Variants in AFF2 observed in about 807,000 individuals in gnomAD.
AFF2 encodes AF4/FMR2 family member 2.
A neutral mutation model predicts 76.9 loss-of-function variants in AFF2; 14 were observed. That is an observed-to-expected ratio of 0.18 (90% CI 0.12 to 0.28). The LOEUF (loss-of-function observed/expected upper bound fraction) is 0.28, where lower values mean the gene tolerates loss of function less well. AFF2 is among the 10% of genes least tolerant of loss of function. AFF2 has a pLI of 1.00. For synonymous variants in AFF2, 398 were observed against 366.7 expected (o/e 1.09, Z -0.98); for missense variants, 868 against 1,001.1 (o/e 0.87, Z 1.79).
chrX:148,515,397 T>C (rs952405651), intron 1 of AFF2, among the ~76,000 whole-genome samples: 1 of 112,477 alleles, frequency 8.9e-6, no homozygotes, highest in African/African-American at 3.2e-5. Context: ...TTGCTTTAGC[T>C]AATAAAGCCA....
At chrX:148,585,259 G>A (rs1157639736) in intron 1 of AFF2, among the ~76,000 whole-genome samples, 1 of 111,709 alleles carries the variant, frequency 9.0e-6, no homozygotes, top group Non-Finnish European at 1.9e-5. Flanking sequence ...CTGTCCAGCG[G>A]TTTTGATGAA....
intron 1 of AFF2, among the ~76,000 whole-genome samples, chrX:148,538,557 A>G (rs1457091638): frequency 8.9e-6 from 1 of 112,793 alleles, no homozygotes; most frequent in Non-Finnish European, 1.9e-5. Flanking sequence ...ATTTACCTGA[A>G]AGTTTAAGCA....
At chrX:148,667,543 A>G (rs1214936818) in intron 3 of AFF2, among the ~76,000 whole-genome samples, 1 of 111,988 alleles carries the variant, frequency 8.9e-6, no homozygotes, top group Non-Finnish European at 1.9e-5. Context: ...AAGATATTTA[A>G]TGGACTTACA....
At chrX:148,558,760 C>T (rs1557240016) in intron 1 of AFF2, among the ~76,000 whole-genome samples, 2 of 111,784 alleles carry the variant, frequency 1.8e-5, no homozygotes, top group African/African-American at 6.5e-5. Flanking sequence ...CTAAAGGGAA[C>T]TGATTTACCA....
Position 148,617,717 on chromosome X carries a change from A to G in AFF2, c.48-34282A>G, listed in dbSNP as rs144852487. On this transcript the variant is annotated intron_variant, in intron 1 of 20. Transcript: ENST00000370460. Reference sequence around the variant, plus strand: ...CACTCGCCTTATGTTTACTCCTTGTAAAATCTTTCTTGTGTATACCTGTTC... The same window carrying G: ...CACTCGCCTTATGTTTACTCCTTGTGAAATCTTTCTTGTGTATACCTGTTC... Among the ~76,000 whole-genome samples, 815 of 112,594 alleles carry G rather than the reference A, an allele frequency of 7.2e-3. 7 individuals carry two copies. Among genetic ancestry groups the G allele is most frequent in the African/African-American group, 0.025 (776 of 31,034 alleles).
At chrX:148,621,966 G>A (rs961610351) in intron 1 of AFF2, among the ~76,000 whole-genome samples, 1 of 112,035 alleles carries the variant, frequency 8.9e-6, no homozygotes, top group African/African-American at 3.2e-5. Flanking sequence ...AGAGCATTAG[G>A]ACTATACTGC....
chrX:148,794,840 G>A (rs2069946852), intron 3 of AFF2, among the ~76,000 whole-genome samples: 1 of 111,166 alleles, frequency 9.0e-6, no homozygotes, highest in African/African-American at 3.3e-5. Context: ...GGAACTACAT[G>A]GATAAATCTA....
intron 15 of AFF2, among the ~76,000 whole-genome samples, chrX:148,968,587 G>T (rs1557289118): frequency 1.8e-5 from 2 of 112,144 alleles, no homozygotes; most frequent in East Asian, 5.6e-4. Context: ...GGACTTAGTT[G>T]TCCCAGTGGT....
intron 1 of AFF2, among the ~76,000 whole-genome samples, chrX:148,647,896 G>A (rs1247811316): frequency 1.8e-5 from 2 of 111,559 alleles, no homozygotes; most frequent in African/African-American, 6.5e-5. Context: ...GTCAGCCTGT[G>A]TGGGCTACCA....
chrX:148,955,909 T>A lies in AFF2; in HGVS notation c.1864T>A (p.Ser622Thr), dbSNP rs1432204730. 8.3e-7 allele frequency: 1 copy of A among 1,209,123 alleles called. No individual in the cohort carries two copies. The highest frequency in any genetic ancestry group is 1.1e-6 in the Non-Finnish European group (1 of 895,044). The change falls in exon 11 of 21, where the codon TCT becomes ACT. Residue 622 changes from serine to threonine, a missense_variant. Transcript: ENST00000370460. ...HKLSTTSETVSQRTIGKKQPK... is the reference protein window; with the variant it reads ...HKLSTTSETVTQRTIGKKQPK... ...GTTGTCAACAACTAGTGAGACAGTG[T>A]CTCAAAGGACAATTGGGAAAAAACA... is the stretch of plus-strand genomic sequence containing the variant.
intron 7 of AFF2, among the ~76,000 whole-genome samples, chrX:148,860,206 C>A (rs2070831800): frequency 8.9e-6 from 1 of 111,792 alleles, no homozygotes; most frequent in South Asian, 3.7e-4. Context: ...TCAGCAGCAG[C>A]CGATCAAATA....
intron 1 of AFF2, among the ~76,000 whole-genome samples, chrX:148,554,680 C>T (rs2053031986): frequency 8.9e-6 from 1 of 112,565 alleles, no homozygotes; most frequent in African/African-American, 3.2e-5. Context: ...CATGTCTTAC[C>T]ATCCTGATTT....
At chrX:148,501,421 C>T (rs2124174725) in intron 1 of AFF2, among the ~76,000 whole-genome samples, 1 of 112,831 alleles carries the variant, frequency 8.9e-6, no homozygotes, top group African/African-American at 3.2e-5. Context: ...TTCGGTGCCG[C>T]CCGAGGGCTG....
rs2072031008 is a variant in AFF2 at position 148,955,977 on chromosome X, C to G, written c.1932C>G (p.Thr644=). 7.4e-6 allele frequency: 9 copies of G among 1,211,489 alleles called. No homozygotes were observed. The East Asian group carries it at 2.7e-4, about 36-fold the overall frequency. Residue 644 remains threonine, a synonymous_variant, in exon 11 of 21, where the codon ACC becomes ACG. Transcript: ENST00000370460. ...AGAACACCAGCACTGACGAGTTTAC[C>G]TGGCCCAAACCAAATATTACCAGCA... ...VEKNTSTDEF[T]WPKPNITSST...
At chrX:148,948,691 A>G (rs2071930078) in intron 9 of AFF2, among the ~76,000 whole-genome samples, 1 of 110,777 alleles carries the variant, frequency 9.0e-6, no homozygotes, top group Non-Finnish European at 1.9e-5. Context: ...TGCCTGTGGA[A>G]TGAGGTCACT....
At chrX:148,507,362 G>T (rs2052431885) in intron 1 of AFF2, among the ~76,000 whole-genome samples, 1 of 112,320 alleles carries the variant, frequency 8.9e-6, no homozygotes, top group Admixed American at 9.4e-5. Context: ...TCCAAGATAT[G>T]TTTAGCCCAA....
intron 1 of AFF2, among the ~76,000 whole-genome samples, chrX:148,566,813 C>T (rs1292915541): frequency 9.0e-6 from 1 of 111,490 alleles, no homozygotes; most frequent in Non-Finnish European, 1.9e-5. Context: ...GTTAATTTCA[C>T]CTTAAGCCAA....
rs58060790 is a variant in AFF2, at chrX:148,558,155, T to C, written c.47+57011T>C. 8.0e-5 allele frequency among the ~76,000 whole-genome samples: 9 copies of C among 112,373 alleles called. No individual in the cohort carries two copies. The East Asian group carries it at 2.5e-3, about 32-fold the overall frequency. On this transcript the variant is annotated intron_variant, in intron 1 of 20. Coordinates refer to ENST00000370460, the MANE Select transcript of AFF2 (RefSeq NM_002025.4). ...GTTCAGCCATTTATTACAGAGCAAG[T>C]TGTATCAAATGAACAAAAGAATCAA...
At chrX:148,705,214 C>T (rs1419382491) in intron 3 of AFF2, among the ~76,000 whole-genome samples, 1 of 111,622 alleles carries the variant, frequency 9.0e-6, no homozygotes, top group African/African-American at 3.3e-5. Context: ...ATCCCCACTC[C>T]CCAACACAGT....
Sources: allele counts gnomAD v4.1 joint callset (sites outside exome capture counted in the v4.1 genomes callset), GRCh38; gene constraint gnomAD v4.1.1; transcripts MANE v1.5; gene names NCBI Gene and HGNC (gene_info 2026-07-23, HGNC 2026-07-21).